PRDM15: variants seen among roughly 807,000 people sequenced by gnomAD.
The protein encoded by PRDM15 is PR/SET domain 15.
Under a neutral mutation model 128.6 loss-of-function variants are expected in PRDM15, and 64 were observed. The observed-to-expected ratio is 0.50, with a 90% CI of 0.41 to 0.61. The LOEUF (loss-of-function observed/expected upper bound fraction) is 0.61. PRDM15 is among the 20% of genes least tolerant of loss of function. The pLI is 0.00. For missense variants in PRDM15, 1,242 were observed against 1,569.1 expected (o/e 0.79, Z 3.52); for synonymous variants, 615 against 621.8 (o/e 0.99, Z 0.16).
At chr21:41,839,875 C>T (rs2063020023) in intron 6 of PRDM15, 22 bp from the exon 7 acceptor site, 1 of 1,601,530 alleles carries the variant, frequency 6.2e-7, no homozygotes, top group East Asian at 2.2e-5. Flanking sequence ...GACGCGAATG[C>T]ACCACACAAT....
intron 1 of PRDM15, chr21:41,867,235 C>T (rs1396603495): frequency 3.7e-5 from 47 of 1,255,026 alleles, no homozygotes; most frequent in Middle Eastern, 2.0e-4. Context: ...TCTGCTGCGC[C>T]GGTAGTCAAA....
chr21:41,826,989 C>T (rs1220331619), intron 12 of PRDM15, among the ~76,000 whole-genome samples: 1 of 152,210 alleles, frequency 6.6e-6, no homozygotes, highest in African/African-American at 2.4e-5. Flanking sequence ...TGGGCGCTTG[C>T]CATGTGCGGG....
chr21:41,816,050 T>G (rs6586243), intron 18 of PRDM15, among the ~76,000 whole-genome samples: 132,813 of 152,282 alleles, frequency 0.87, 58,039 homozygotes, highest in African/African-American at 0.89. Context: ...AACATCAGGT[T>G]CACTCACTCC....
chr21:41,824,946 T>C (rs2062416213), intron 13 of PRDM15, among the ~76,000 whole-genome samples: 1 of 152,246 alleles, frequency 6.6e-6, no homozygotes, highest in Non-Finnish European at 1.5e-5. Flanking sequence ...TGCGGGGGCC[T>C]GTGCTCCCAG....
chr21:41,868,340 G>A (rs1183713714), intron 1 of PRDM15, among the ~76,000 whole-genome samples: 1 of 152,160 alleles, frequency 6.6e-6, no homozygotes, highest in African/African-American at 2.4e-5. Flanking sequence ...TTTCTCTGAG[G>A]TAAATGCCCA....
Position 41,869,280 on chromosome 21 carries a change from G to A in PRDM15, c.-9-8908C>T, listed in dbSNP as rs991589285. On this transcript the variant is annotated intron_variant, in intron 1 of 23. Transcript: ENST00000398548. Reference sequence around the variant, plus strand: ...CAAGGTTCCAAAGACTTTCTCCTACGTTTCTTAGAAAAGGCTTTAAGAGGG... The same window carrying A: ...CAAGGTTCCAAAGACTTTCTCCTACATTTCTTAGAAAAGGCTTTAAGAGGG... 2.0e-5 allele frequency among the ~76,000 whole-genome samples: 3 copies of A among 151,916 alleles called. No individual in the cohort carries two copies. The South Asian group carries it at 6.2e-4, about 32-fold the overall frequency.
rs1568879841 is a variant in PRDM15, at chr21:41,806,027, C to CCACCAT, written c.2653-1419_2653-1414dup. On this transcript the variant is annotated intron_variant, in intron 21 of 23. Transcript: ENST00000398548. Reference sequence around the variant, plus strand: ...ACCATCACCACCACCATCACCACCACCACCATCACCACCACCATCACCACC... The same window carrying CCACCAT: ...ACCATCACCACCACCATCACCACCACCACCATCACCATCACCACCACCATCACCACC... Among the ~76,000 whole-genome samples, 22 of 8,460 alleles carry CCACCAT rather than the reference C, an allele frequency of 2.6e-3. 1 individual carries two copies. The highest frequency in any genetic ancestry group is 4.5e-3 in the Non-Finnish European group (15 of 3,366). 5.6% of individuals were successfully genotyped at this position (8,460 alleles called of 152,430 possible).
intron 12 of PRDM15, among the ~76,000 whole-genome samples, chr21:41,826,356 C>A (rs1357266967): frequency 1.3e-5 from 2 of 152,166 alleles, no homozygotes; most frequent in African/African-American, 4.8e-5. Flanking sequence ...GCTAAATGTT[C>A]CTAGGTGGCA....
chr21:41,878,646 CAAAAGGCTTACG>C, intron 1 of PRDM15: 1 of 1,233,906 alleles, frequency 8.1e-7, no homozygotes, highest in Non-Finnish European at 1.1e-6. Flanking sequence ...TCTCTGCCAC[CAAAAGGCTTACG>C]AAAATAAGGC....
In PRDM15 at chr21:41,809,798, C is replaced by T. The variant is rs1012522104; in HGVS notation, c.2652+356G>A. ...TGTACAACTTCCCCCTCCCCATCCT[C>T]GGTGTCATACTTTACTTGGCCCCAA... On this transcript the variant is annotated intron_variant, in intron 21 of 23. Transcript: ENST00000398548. Among the ~76,000 whole-genome samples, 3 of 152,172 alleles carry T rather than the reference C, an allele frequency of 2.0e-5. No homozygotes were observed. In the East Asian group the frequency reaches 5.8e-4, roughly 29 times the overall value.
At chr21:41,830,431 ACAC>A (rs1437737864) in intron 11 of PRDM15, among the ~76,000 whole-genome samples, 8 of 151,662 alleles carry the variant, frequency 5.3e-5, no homozygotes, top group Non-Finnish European at 8.8e-5. Context: ...CATATCACAC[ACAC>A]CAAATACACA....
intron 22 of PRDM15, 194 bp from the exon 23 acceptor site, chr21:41,803,115 C>A: frequency 1.7e-6 from 1 of 589,268 alleles, no homozygotes; most frequent in Non-Finnish European, 3.0e-6. Context: ...CCTTTAGTTG[C>A]AGATTTAAAA....
At chr21:41,874,689 C>G (rs915687680) in intron 1 of PRDM15, 5 of 151,902 alleles carry the variant, frequency 3.3e-5, no homozygotes, top group African/African-American at 1.2e-4. Flanking sequence ...ATTAAGGACC[C>G]TGAACTCACA....
chr21:41,869,028 C>T (rs535541031), intron 1 of PRDM15, among the ~76,000 whole-genome samples: 3 of 152,200 alleles, frequency 2.0e-5, no homozygotes, highest in East Asian at 1.9e-4. Flanking sequence ...GGTTATTTTA[C>T]GGTTGTGCTT....
In PRDM15 at chr21:41,823,468, A is replaced by G. The variant is rs1010863310; in HGVS notation, c.1630-19T>C. On this transcript the variant is annotated intron_variant, in intron 13 of 23. Coordinates refer to ENST00000398548, the MANE Select transcript of PRDM15 (RefSeq NM_001040424.3). ...AGAACACCTGTGGCAGAGGAGCCGC[A>G]TGGTGAGGGGCTGCGGCGTCTCGTG... The G allele has an allele frequency of 2.6e-6, 4 of 1,546,946 alleles. No individual in the cohort carries two copies. The highest frequency in any genetic ancestry group is 1.4e-5 in the African/African-American group (1 of 72,984).
chr21:41,855,552 G>C (rs958122762), intron 4 of PRDM15, among the ~76,000 whole-genome samples: 2 of 152,176 alleles, frequency 1.3e-5, no homozygotes, highest in African/African-American at 4.8e-5. Flanking sequence ...AGGCAGGGGT[G>C]GGGGACCACC....
chr21:41,824,055 C>T (rs2146425585), intron 13 of PRDM15, among the ~76,000 whole-genome samples: 1 of 152,358 alleles, frequency 6.6e-6, no homozygotes, highest in Non-Finnish European at 1.5e-5. Context: ...GCTGAGACCA[C>T]TGCTAGGGCC....
In PRDM15 at chr21:41,828,226, A is replaced by G; in HGVS notation, c.1474T>C (p.Cys492Arg). 6.2e-7 allele frequency: 1 copy of G among 1,614,096 alleles called. No homozygotes were observed. Among genetic ancestry groups the G allele is most frequent in the Non-Finnish European group, 8.5e-7 (1 of 1,179,972 alleles). ...TCCTTGCGGTAGAACATCTTGCTGCAGACCTCACAGGCAAACTTCTTGTCG... is the reference window on the plus strand; with the variant it reads ...TCCTTGCGGTAGAACATCTTGCTGCGGACCTCACAGGCAAACTTCTTGTCG... Reference protein sequence around the residue: ...HGDKKFACEVCSKMFYRKDVM... With the variant: ...HGDKKFACEVRSKMFYRKDVM... Residue 492 changes from cysteine (C) to arginine (R), a missense_variant, in exon 12 of 24, where the codon TGC becomes CGC. By Grantham distance (180) the Cys-to-Arg change is radical. Coordinates refer to ENST00000398548, the MANE Select transcript of PRDM15 (RefSeq NM_001040424.3). The surrounding 1 kb of genome is among the most constrained non-coding windows in gnomAD (Gnocchi z 5.7).
At position 41,801,325 on chromosome 21, in the gene PRDM15, G is replaced by C. The variant is rs2061409466; in HGVS notation, c.3341C>G (p.Pro1114Arg). 2 of 1,584,928 alleles carry C rather than the reference G, an allele frequency of 1.3e-6. No homozygotes were observed. The highest frequency in any genetic ancestry group is 1.7e-6 in the Non-Finnish European group (2 of 1,162,814). ...RAVPQTDVLP[P>R]SQPQAPPQQA... is the part of the protein sequence containing the mutation. Reference sequence around the variant, plus strand: ...CTGTGGGGGTGCCTGCGGCTGCGAGGGTGGCAAGACGTCAGTCTGGGGCAC... The same window carrying C: ...CTGTGGGGGTGCCTGCGGCTGCGAGCGTGGCAAGACGTCAGTCTGGGGCAC... Residue 1114 changes from proline (P) to arginine (R), a missense_variant, in exon 24 of 24, where the codon CCC (proline) becomes CGC (arginine). Physicochemically the swap from Pro to Arg is moderately radical, Grantham distance 103. Transcript: ENST00000398548.
Sources: allele counts gnomAD v4.1 joint callset (sites outside exome capture counted in the v4.1 genomes callset), GRCh38; gene constraint gnomAD v4.1.1; non-coding constraint Gnocchi (gnomAD v3.1); transcripts MANE v1.5; gene names NCBI Gene and HGNC (gene_info 2026-07-23, HGNC 2026-07-21).